The following ITPR2 variants were observed in gnomAD, a reference collection of about 807,000 sequenced individuals.
ITPR2 encodes inositol 1,4,5-trisphosphate-gated calcium channel ITPR2.
Under a neutral mutation model 317.1 loss-of-function variants are expected in ITPR2, and 207 were observed. The observed-to-expected ratio is 0.65, with a 90% CI of 0.58 to 0.73. ITPR2 has a LOEUF of 0.73. Among genes scored for constraint, ITPR2 ranks in the 30% least tolerant of loss-of-function variants. ITPR2 has a pLI of 0.00. For synonymous variants in ITPR2, 1,156 were observed against 1,149.1 expected (o/e 1.01, Z -0.12); for missense variants, 2,613 against 3,284.0 (o/e 0.80, Z 4.99).
intron 10 of ITPR2, 103 bp from the exon 11 acceptor site, chr12:26,686,735 G>T: frequency 1.0e-6 from 1 of 983,972 alleles, no homozygotes; most frequent in Non-Finnish European, 1.5e-6. Context: ...TTCTTCCTTG[G>T]ATTGAAGAGG....
Position 26,658,649 on chromosome 12 carries a change from G to A in ITPR2, c.1886+464C>T, listed in dbSNP as rs528556246. On this transcript the variant is annotated intron_variant, in intron 16 of 56. Coordinates refer to ENST00000381340, the MANE Select transcript of ITPR2 (RefSeq NM_002223.4). ...TCTGCACTCATTTCTTCAAGATAAG[G>A]CAGCATGGTACAACAGAAAAAGAGC... is the stretch of plus-strand genomic sequence containing the variant. Among the ~76,000 whole-genome samples, 12 of 152,314 alleles carry A rather than the reference G, an allele frequency of 7.9e-5. No individual in the cohort carries two copies. The Middle Eastern group carries it at 0.01, about 130-fold the overall frequency.
rs1029296215 is a variant in ITPR2, at chr12:26,797,168, C to T, written c.93-6941G>A. On this transcript the variant is annotated intron_variant, in intron 1 of 56. Coordinates refer to ENST00000381340, the MANE Select transcript of ITPR2 (RefSeq NM_002223.4). The stretch of plus-strand genomic sequence containing the variant: ...ACATAAAGTTGAGCTTTAAAAAAAG[C>T]GAATCCAAAAACAACAAATGTTATA... Among the ~76,000 whole-genome samples the T allele has an allele frequency of 8.6e-5, 13 of 151,706 alleles. 1 individual carries two copies. The highest frequency in any genetic ancestry group is 1.9e-4 in the African/African-American group (8 of 41,270).
intron 21 of ITPR2, among the ~76,000 whole-genome samples, chr12:26,644,913 T>C (rs1947077851): frequency 6.6e-6 from 1 of 152,166 alleles, no homozygotes; most frequent in Non-Finnish European, 1.5e-5. Context: ...CTAAGACAAC[T>C]AGTCTGAAGA....
intron 51 of ITPR2, among the ~76,000 whole-genome samples, chr12:26,411,778 C>A (rs1940558821): frequency 6.6e-6 from 1 of 152,158 alleles, no homozygotes. Flanking sequence ...AGTTGGCAGT[C>A]CCTGAGCCCT....
At chr12:26,362,522 T>G (rs1938866333) in intron 55 of ITPR2, among the ~76,000 whole-genome samples, 1 of 152,148 alleles carries the variant, frequency 6.6e-6, no homozygotes, top group Non-Finnish European at 1.5e-5. Context: ...ACTTTTACTG[T>G]CTATCTCTTC....
At chr12:26,827,232 T>G (rs1951021134) in intron 1 of ITPR2, among the ~76,000 whole-genome samples, 1 of 152,204 alleles carries the variant, frequency 6.6e-6, no homozygotes. Flanking sequence ...AAAATTTAAA[T>G]TAGGAAATAC....
chr12:26,812,535 C>T lies in ITPR2; in HGVS notation c.92+20155G>A, dbSNP rs980563464. ...CGGAGCTTGCAGTGAGCTGAGATTGCACCACTGCACTCCAGCCTGGGCGAC... is the reference window on the plus strand; with the variant it reads ...CGGAGCTTGCAGTGAGCTGAGATTGTACCACTGCACTCCAGCCTGGGCGAC... On this transcript the variant is annotated intron_variant, in intron 1 of 56. Transcript: ENST00000381340. Among the ~76,000 whole-genome samples the T allele has an allele frequency of 2.6e-5, 4 of 151,990 alleles. No individual in the cohort carries two copies. The South Asian group carries it at 8.3e-4, about 32-fold the overall frequency.
chr12:26,606,264 G>C (rs1470813243), intron 26 of ITPR2, among the ~76,000 whole-genome samples: 1 of 151,712 alleles, frequency 6.6e-6, no homozygotes, highest in African/African-American at 2.4e-5. Context: ...TTTGACAATA[G>C]TGATGAAAAA....
chr12:26,526,629 T>C (rs1943814689), intron 37 of ITPR2, among the ~76,000 whole-genome samples: 2 of 151,770 alleles, frequency 1.3e-5, no homozygotes, highest in African/African-American at 2.4e-5. Flanking sequence ...TGTTACTCTA[T>C]GAAAAAAAAA....
chr12:26,604,475 T>C (rs552624029), intron 26 of ITPR2, among the ~76,000 whole-genome samples: 1 of 152,342 alleles, frequency 6.6e-6, no homozygotes, highest in Non-Finnish European at 1.5e-5. Context: ...ATTCCATCTC[T>C]TCTTCCTCTT....
intron 37 of ITPR2, among the ~76,000 whole-genome samples, chr12:26,549,604 C>T (rs12300745): frequency 0.022 from 3,287 of 152,070 alleles, 112 homozygotes; most frequent in African/African-American, 0.075. Flanking sequence ...TAGATTTATA[C>T]TTTATATTTA....
At chr12:26,660,957 T>C (rs1947481857) in intron 15 of ITPR2, among the ~76,000 whole-genome samples, 2 of 151,358 alleles carry the variant, frequency 1.3e-5, no homozygotes, top group South Asian at 2.1e-4. Context: ...CTATATAATA[T>C]ATACTACATA....
intron 4 of ITPR2, 134 bp downstream of exon 4, chr12:26,724,522 C>T (rs927508191): frequency 1.8e-5 from 12 of 665,634 alleles, no homozygotes; most frequent in Middle Eastern, 2.6e-4. Flanking sequence ...CATCACAATA[C>T]GTCACAACAT....
At chr12:26,643,373 G>C (rs1320666647) in intron 21 of ITPR2, among the ~76,000 whole-genome samples, 1 of 152,234 alleles carries the variant, frequency 6.6e-6, no homozygotes, top group Admixed American at 6.5e-5. Context: ...CTTTGAAACT[G>C]GGTAGTGGGT....
At chr12:26,738,800 A>G (rs1949176238) in intron 2 of ITPR2, among the ~76,000 whole-genome samples, 1 of 152,126 alleles carries the variant, frequency 6.6e-6, no homozygotes, top group South Asian at 2.1e-4. Context: ...TTATAAAATT[A>G]TTCTTTAAAA....
At chr12:26,714,187 C>T (rs1316096580) in intron 8 of ITPR2, among the ~76,000 whole-genome samples, 1 of 152,158 alleles carries the variant, frequency 6.6e-6, no homozygotes, top group Non-Finnish European at 1.5e-5. Flanking sequence ...ATCTTACTTC[C>T]TCATTTTCTG....
Position 26,392,793 on chromosome 12 carries a change from G to A in ITPR2, c.7697-5199C>T, listed in dbSNP as rs73284377. 3.4e-3 allele frequency among the ~76,000 whole-genome samples: 520 copies of A among 152,164 alleles called. 2 individuals are homozygous for A. The highest frequency in any genetic ancestry group is 0.012 in the African/African-American group (491 of 41,512). ...GAATGACTGAGTTTATGATAATATC[G>A]CCACAGCAAGATACCCTATCCTTAG... On this transcript the variant is annotated intron_variant, in intron 54 of 56. Coordinates refer to ENST00000381340, the MANE Select transcript of ITPR2 (RefSeq NM_002223.4).
chr12:26,806,430 A>C (rs528958293), intron 1 of ITPR2, among the ~76,000 whole-genome samples: 1 of 152,200 alleles, frequency 6.6e-6, no homozygotes, highest in South Asian at 2.1e-4. Flanking sequence ...GTTACCCTCT[A>C]CTCTTACAGT....
chr12:26,722,498 G>T lies in ITPR2; in HGVS notation c.424C>A (p.Leu142Met). ...GACACACGCATGGCATTCTTCTCCA[G>T]TAAAGCAGGTAATCTCTTGTTGACA... ...LTVNKRLPAL[L>M]EKNAMRVSLD... is the part of the protein sequence containing the mutation. The change falls in exon 5 of 57, where the codon CTG becomes ATG. Residue 142 changes from leucine to methionine, a missense_variant. Around this residue, in one of 9 missense-constraint regions of ITPR2, gnomAD observed 515 missense variants for 789.4 expected, o/e 0.65. Coordinates refer to ENST00000381340, the MANE Select transcript of ITPR2 (RefSeq NM_002223.4). The T allele has an allele frequency of 6.2e-7, 1 of 1,613,090 alleles. No individual in the cohort carries two copies.
Sources: gnomAD v4.1 joint callset for allele counts (sites outside exome capture counted in the v4.1 genomes callset) on GRCh38, gnomAD v4.1.1 for gene constraint, gnomAD v4.1.1 regional missense constraint, MANE v1.5 for transcripts, NCBI Gene and HGNC (gene_info 2026-07-23, HGNC 2026-07-21) for gene names.